Variants in SCN2A observed in about 807,000 individuals in gnomAD.
SCN2A encodes the protein sodium voltage-gated channel alpha subunit 2.
A neutral mutation model predicts 188.7 loss-of-function variants in SCN2A; 20 were observed. The observed-to-expected ratio is 0.11, with a 90% confidence interval of 0.07 to 0.15. The LOEUF (loss-of-function observed/expected upper bound fraction) is 0.15, where lower values mean the gene tolerates loss of function less well. Among genes scored for constraint, SCN2A ranks in the 10% least tolerant of loss-of-function variants. The pLI is 1.00. For missense variants in SCN2A, 1,278 were observed against 2,445.0 expected, an observed-to-expected ratio of 0.52 and a Z score of 10.07; for synonymous variants, 804 against 833.1, an observed-to-expected ratio of 0.97 and a Z score of 0.60.
intron 1 of SCN2A, among the ~76,000 whole-genome samples, chr2:165,279,308 G>T (rs575420199): frequency 1.3e-5 from 2 of 152,266 alleles, no homozygotes; most frequent in South Asian, 4.1e-4. Flanking sequence ...GAATTCATTG[G>T]TTGAGATAGG....
rs140444322 is a variant in SCN2A at position 165,249,048 on chromosome 2, T to G, written c.-52+9408T>G. On this transcript the variant is annotated intron_variant, in intron 1 of 26. Coordinates refer to ENST00000375437, the MANE Select transcript of SCN2A (RefSeq NM_001040142.2). ...GTATCATTAATAGTTACTGAAGACC[T>G]TTTCCTGATATATATGACATTTAAT... is the stretch of plus-strand genomic sequence containing the variant. Among the ~76,000 whole-genome samples, 425 of 152,234 alleles carry G rather than the reference T, an allele frequency of 2.8e-3. 2 individuals are homozygous for G. Among genetic ancestry groups the G allele is most frequent in the African/African-American group, 9.8e-3 (409 of 41,574 alleles).
chr2:165,267,271 A>G (rs1470477653), intron 1 of SCN2A: 1 of 152,224 alleles, frequency 6.6e-6, no homozygotes, highest in South Asian at 2.1e-4. Context: ...GTAGTGATCA[A>G]AACAGCTTGG....
At chr2:165,386,418 C>T (rs1351441841) in intron 25 of SCN2A, among the ~76,000 whole-genome samples, 2 of 151,706 alleles carry the variant, frequency 1.3e-5, no homozygotes, top group East Asian at 1.9e-4. Context: ...GAGCCAAGAT[C>T]GTGCCACTGC....
At chr2:165,309,121 G>A (rs202186740) in intron 5 of SCN2A, 42 of 1,597,296 alleles carry the variant, frequency 2.6e-5, no homozygotes, top group Admixed American at 3.3e-5. Flanking sequence ...CAAGGAAGAC[G>A]TAGATTTCCC....
chr2:165,245,112 T>C (rs953237809), intron 1 of SCN2A, among the ~76,000 whole-genome samples: 2 of 152,186 alleles, frequency 1.3e-5, no homozygotes, highest in Non-Finnish European at 2.9e-5. Flanking sequence ...TGTCTCTGTA[T>C]CAGCCCAGCA....
chr2:165,268,347 T>C (rs1289708476), intron 1 of SCN2A: 1 of 152,004 alleles, frequency 6.6e-6, no homozygotes, highest in Non-Finnish European at 1.5e-5. Context: ...CATGATCAAG[T>C]GGGTTTCATA....
At chr2:165,295,659 A>T in intron 1 of SCN2A, 114 bp from the exon 2 acceptor site, 1 of 962,232 alleles carries the variant, frequency 1.0e-6, no homozygotes, top group Non-Finnish European at 1.5e-6. Flanking sequence ...TTCTTTGAAA[A>T]TATTATAGCT....
chr2:165,363,357 A>G (rs1202385969), intron 17 of SCN2A, among the ~76,000 whole-genome samples: 1 of 152,000 alleles, frequency 6.6e-6, no homozygotes, highest in East Asian at 1.9e-4. Flanking sequence ...TACAGTGTGA[A>G]CCTTATTCTT....
intron 13 of SCN2A, chr2:165,328,600 G>T: frequency 1.3e-6 from 1 of 752,290 alleles, no homozygotes; most frequent in Non-Finnish European, 1.6e-6. Context: ...AGCTAAATAA[G>T]ACATTACTTA....
chr2:165,380,441 T>C (rs547921501), intron 23 of SCN2A, 151 bp from the exon 24 acceptor site: 5 of 593,082 alleles, frequency 8.4e-6, no homozygotes, highest in Middle Eastern at 4.7e-4. Flanking sequence ...TCAATAAGCA[T>C]GTGAGATTTG....
chr2:165,308,832 A>T (rs773465498), intron 5 of SCN2A, 38 bp downstream of exon 5: 4 of 1,611,026 alleles, frequency 2.5e-6, no homozygotes, highest in Non-Finnish European at 3.4e-6. Flanking sequence ...TGGAAGAGTA[A>T]ATCACTGGTG....
chr2:165,255,464 A>G (rs1694271975), intron 1 of SCN2A, among the ~76,000 whole-genome samples: 1 of 152,104 alleles, frequency 6.6e-6, no homozygotes, highest in South Asian at 2.1e-4. Context: ...TAAGCGTATT[A>G]TTTTATAACC....
Position 165,309,518 on chromosome 2 carries a change from T to G in SCN2A, c.697+75T>G, listed in dbSNP as rs143496335. The G allele has an allele frequency of 1.9e-4, 292 of 1,537,132 alleles. 2 individuals are homozygous for G. The East Asian group carries it at 6.5e-3, about 34-fold the overall frequency. On this transcript the variant is annotated intron_variant, in intron 6 of 26. Transcript: ENST00000375437. The stretch of plus-strand genomic sequence containing the variant: ...CAATCACAGCTTTTGTGCAGAAGCC[T>G]TGTTGCTAGTTGCATATTGCAAATA...
intron 16 of SCN2A, among the ~76,000 whole-genome samples, chr2:165,352,393 A>G (rs928715697): frequency 1.3e-5 from 2 of 152,144 alleles, no homozygotes; most frequent in Non-Finnish European, 1.5e-5. Flanking sequence ...AAAAATCACC[A>G]TTGGTTAGAC....
At chr2:165,315,321 A>G in intron 10 of SCN2A, 150 bp from the exon 11 acceptor site, 1 of 1,280,030 alleles carries the variant, frequency 7.8e-7, no homozygotes, top group Non-Finnish European at 1.1e-6. Flanking sequence ...TGATTGGTCT[A>G]ATAACAATGT....
intron 25 of SCN2A, among the ~76,000 whole-genome samples, chr2:165,384,556 C>T (rs1701767475): frequency 6.6e-6 from 1 of 151,904 alleles, no homozygotes; most frequent in Admixed American, 6.6e-5. Flanking sequence ...AAATTAAGAC[C>T]AAATTTCTGC....
In SCN2A at chr2:165,318,854, C is replaced by A. The variant is rs146188343; in HGVS notation, c.1671+3096C>A. Among the ~76,000 whole-genome samples the A allele has an allele frequency of 1.9e-3, 293 of 151,992 alleles. 2 individuals are homozygous for A. The highest frequency in any genetic ancestry group is 6.9e-3 in the African/African-American group (284 of 41,444). ...ATTTCCTCATAGCTAATTCGAAGTC[C>A]CTTGTTAGAGGAGAGAAAGGAGACA... On this transcript the variant is annotated intron_variant, in intron 11 of 26. Transcript: ENST00000375437.
intron 16 of SCN2A, among the ~76,000 whole-genome samples, chr2:165,352,671 A>C (rs922163520): frequency 6.6e-6 from 1 of 152,192 alleles, no homozygotes; most frequent in East Asian, 1.9e-4. Flanking sequence ...GTTAAACCAC[A>C]GTCAAAATGT....
chr2:165,259,979 C>T (rs1437562773), intron 1 of SCN2A, among the ~76,000 whole-genome samples: 1 of 128,296 alleles, frequency 7.8e-6, no homozygotes, highest in African/African-American at 3.0e-5. Context: ...TGATCTGTCA[C>T]TCAGGCTGGA....
Sources: allele counts gnomAD v4.1 joint callset (sites outside exome capture counted in the v4.1 genomes callset), GRCh38; gene constraint gnomAD v4.1.1; transcripts MANE v1.5; gene names NCBI Gene and HGNC (gene_info 2026-07-23, HGNC 2026-07-21).